The following PRKAG2 variants were observed in gnomAD, a reference collection of about 807,000 sequenced individuals.
PRKAG2 encodes the protein protein kinase AMP-activated non-catalytic subunit gamma 2.
Under a neutral mutation model 69.6 loss-of-function variants are expected in PRKAG2, and 26 were observed. The ratio of observed to expected loss-of-function variants is 0.37; its 90% confidence interval spans 0.27 to 0.52. PRKAG2 has a LOEUF of 0.52. Ranked by LOEUF, PRKAG2 falls within the 20% of genes least tolerant of loss-of-function variation. The pLI is 0.90. For missense variants in PRKAG2, 557 were observed against 740.0 expected, an observed-to-expected ratio of 0.75 and a Z score of 2.87; for synonymous variants, 293 against 285.0, an observed-to-expected ratio of 1.03 and a Z score of -0.28.
intron 1 of PRKAG2, among the ~76,000 whole-genome samples, chr7:151,797,681 G>T (rs75243518): frequency 0.023 from 3,437 of 152,284 alleles, 105 homozygotes; most frequent in African/African-American, 0.07. Context: ...GCACATTATA[G>T]ATCAAAAGGT....
At chr7:151,798,640 T>C (rs1266043469) in intron 1 of PRKAG2, among the ~76,000 whole-genome samples, 1 of 152,142 alleles carries the variant, frequency 6.6e-6, no homozygotes, top group African/African-American at 2.4e-5. Flanking sequence ...TCCTATTGTG[T>C]TGTGGGTGAA....
chr7:151,556,749 G>A lies in PRKAG2; in HGVS notation c.*452C>T, dbSNP rs17714947. ...AATCTAAAGAAAACAAACTGATTTG[G>A]TAAAAGGTTCAAAGACTTCCACATT... On this transcript the variant is annotated 3_prime_UTR_variant, in exon 16 of 16. Transcript: ENST00000287878. 0.037 allele frequency: 5,959 copies of A among 161,174 alleles called. 172 individuals are homozygous for A. The highest frequency in any genetic ancestry group is 0.056 in the Non-Finnish European group (4,071 of 72,778). 10.0% of individuals were successfully genotyped at this position (161,174 alleles called of 1,614,324 possible).
At chr7:151,772,465 C>T (rs2076065358) in intron 3 of PRKAG2, among the ~76,000 whole-genome samples, 2 of 152,232 alleles carry the variant, frequency 1.3e-5, no homozygotes, top group African/African-American at 4.8e-5. Context: ...TTCTTTCTAA[C>T]AGGAATGCAT....
Position 151,727,883 on chromosome 7 carries a change from T to C in PRKAG2, c.467-52246A>G, listed in dbSNP as rs533383428. 2.0e-5 allele frequency among the ~76,000 whole-genome samples: 3 copies of C among 152,332 alleles called. No homozygotes were observed. The East Asian group carries it at 5.8e-4, about 29-fold the overall frequency. Reference sequence around the variant, plus strand: ...GGGGCCCAGCCAAGCATCTTAGTGATGTGAGTCATCAAAACTTCCTCCTGG... The same window carrying C: ...GGGGCCCAGCCAAGCATCTTAGTGACGTGAGTCATCAAAACTTCCTCCTGG... On this transcript the variant is annotated intron_variant, in intron 3 of 15. Transcript: ENST00000287878.
At chr7:151,809,142 G>A (rs950284513) in intron 1 of PRKAG2, 7 of 427,528 alleles carry the variant, frequency 1.6e-5, no homozygotes, top group Non-Finnish European at 2.8e-5. Flanking sequence ...GCCAGGTTTG[G>A]CCATCCTGCG....
intron 6 of PRKAG2, among the ~76,000 whole-genome samples, chr7:151,592,134 A>G (rs1234794412): frequency 6.6e-6 from 1 of 152,126 alleles, no homozygotes; most frequent in Non-Finnish European, 1.5e-5. Context: ...CCCTACCTCG[A>G]TCCACACCCA....
intron 1 of PRKAG2, among the ~76,000 whole-genome samples, chr7:151,860,704 C>T (rs2079897534): frequency 6.6e-6 from 1 of 152,040 alleles, no homozygotes; most frequent in African/African-American, 2.4e-5. Context: ...AGCAAATGCC[C>T]CAAGGAGAAG....
intron 3 of PRKAG2, among the ~76,000 whole-genome samples, chr7:151,700,706 C>T (rs1013484163): frequency 5.3e-5 from 8 of 152,232 alleles, no homozygotes; most frequent in East Asian, 1.9e-4. Flanking sequence ...GGGCTATCTC[C>T]GCCACGCGTC....
At chr7:151,852,186 A>G (rs925697416) in intron 1 of PRKAG2, among the ~76,000 whole-genome samples, 2 of 150,640 alleles carry the variant, frequency 1.3e-5, no homozygotes, top group Non-Finnish European at 2.9e-5. Context: ...CCCTGGGGCT[A>G]GGGGGGACAG....
intron 1 of PRKAG2, among the ~76,000 whole-genome samples, chr7:151,842,622 T>G: frequency 1.0e-5 from 1 of 98,416 alleles, no homozygotes; most frequent in South Asian, 3.4e-4. Flanking sequence ...TAGGTAGTGA[T>G]GATGGTAGCG....
chr7:151,875,586 T>G (rs2080373350), intron 1 of PRKAG2, among the ~76,000 whole-genome samples: 1 of 137,566 alleles, frequency 7.3e-6, no homozygotes, highest in Non-Finnish European at 1.6e-5. Context: ...TGTGTGTGTG[T>G]GTGTGTGTGT....
chr7:151,576,358 C>T lies in PRKAG2; in HGVS notation c.946+13G>A, dbSNP rs727505059. 1.3e-6 allele frequency: 2 copies of T among 1,579,428 alleles called. No homozygotes were observed. Among genetic ancestry groups the T allele is most frequent in the Non-Finnish European group, 1.7e-6 (2 of 1,149,014 alleles). On this transcript the variant is annotated intron_variant, in intron 7 of 15. Coordinates refer to ENST00000287878, the MANE Select transcript of PRKAG2 (RefSeq NM_016203.4). ...TTTCCATTTTCGATTTTCCTCAGGC[C>T]CACACTGCTTACCTACAAAACTTTG...
rs377225425 is a variant in PRKAG2 at position 151,740,811 on chromosome 7, G to T, written c.466+40341C>A. Among the ~76,000 whole-genome samples, 345 of 152,248 alleles carry T rather than the reference G, an allele frequency of 2.3e-3. 1 individual carries two copies. The highest frequency in any genetic ancestry group is 4.4e-3 in the Non-Finnish European group (301 of 68,018). The stretch of plus-strand genomic sequence containing the variant: ...CAGGGTTGGAGGGTGTGAAGAAGAG[G>T]GGGGAACCCAGGCCAGGCCAAATCA... On this transcript the variant is annotated intron_variant, in intron 3 of 15. Coordinates refer to ENST00000287878, the MANE Select transcript of PRKAG2 (RefSeq NM_016203.4).
At chr7:151,607,570 G>A (rs1033047581) in intron 5 of PRKAG2, among the ~76,000 whole-genome samples, 1 of 151,938 alleles carries the variant, frequency 6.6e-6, no homozygotes, top group East Asian at 1.9e-4. Flanking sequence ...CTGGCTGCTC[G>A]TGTCCTCCCT....
chr7:151,629,667 A>G (rs193260072), intron 5 of PRKAG2, among the ~76,000 whole-genome samples: 32 of 152,388 alleles, frequency 2.1e-4, no homozygotes, highest in Non-Finnish European at 4.3e-4. Flanking sequence ...AGTATCAGTT[A>G]TAACTTATTA....
chr7:151,628,917 G>A lies in PRKAG2; in HGVS notation c.754+3152C>T, dbSNP rs986465460. On this transcript the variant is annotated intron_variant, in intron 5 of 15. Transcript: ENST00000287878. ...ACAGAGGGTATTCAGAGAAGGCCTC[G>A]GAGACCAGATGAGACTTGAGCTGAG... 7.9e-5 allele frequency among the ~76,000 whole-genome samples: 12 copies of A among 152,118 alleles called. No homozygotes were observed. The East Asian group carries it at 1.2e-3, about 15-fold the overall frequency.
chr7:151,826,852 C>T (rs902210841), intron 1 of PRKAG2, among the ~76,000 whole-genome samples: 3 of 152,148 alleles, frequency 2.0e-5, no homozygotes, highest in Non-Finnish European at 4.4e-5. Flanking sequence ...TTCCTAATTG[C>T]TCTATTCACT....
At chr7:151,585,493 G>A (rs190192013) in intron 6 of PRKAG2, among the ~76,000 whole-genome samples, 1 of 152,138 alleles carries the variant, frequency 6.6e-6, no homozygotes, top group East Asian at 1.9e-4. Context: ...GCACATTCCC[G>A]AGCACGAGCC....
intron 1 of PRKAG2, among the ~76,000 whole-genome samples, chr7:151,853,310 A>C (rs1314195697): frequency 2.0e-5 from 3 of 152,208 alleles, no homozygotes; most frequent in Non-Finnish European, 2.9e-5. Flanking sequence ...AGGGGAAAAA[A>C]GTCAAAATGA....
Sources: gnomAD v4.1 joint callset for allele counts (sites outside exome capture counted in the v4.1 genomes callset) on GRCh38, gnomAD v4.1.1 for gene constraint, MANE v1.5 for transcripts, NCBI Gene and HGNC (gene_info 2026-07-23, HGNC 2026-07-21) for gene names.